Variants in ADAM22 observed in about 807,000 individuals in gnomAD.
ADAM22 encodes the protein ADAM metallopeptidase domain 22.
In ADAM22, 65 loss-of-function variants were observed where a neutral mutation model predicts 144.6. That is an observed-to-expected ratio of 0.45 (90% CI 0.37 to 0.55). The LOEUF (loss-of-function observed/expected upper bound fraction) is 0.55, where lower values mean the gene tolerates loss of function less well. Ranked by LOEUF, ADAM22 falls within the 20% of genes least tolerant of loss-of-function variation. The probability of loss-of-function intolerance (pLI) is 0.00; values close to 1 mark genes in which losing one functional copy is unlikely to be tolerated. For missense variants in ADAM22, 974 were observed against 1,184.9 expected (o/e 0.82, Z 2.61); for synonymous variants, 391 against 412.6 (o/e 0.95, Z 0.63).
At chr7:87,944,923 CTA>C (rs111772465) in intron 2 of ADAM22, among the ~76,000 whole-genome samples, 7,598 of 134,940 alleles carry the variant, frequency 0.056, 566 homozygotes, top group African/African-American at 0.18. Flanking sequence ...CCTTCCTATT[CTA>C]TATGTGTGTG....
At chr7:88,059,231 G>A (rs76257110) in intron 3 of ADAM22, among the ~76,000 whole-genome samples, 18 of 152,152 alleles carry the variant, frequency 1.2e-4, no homozygotes, top group African/African-American at 4.3e-4. Context: ...CTCTAGAGAC[G>A]CCCACCCATC....
At chr7:88,015,789 T>G (rs1339538653) in intron 3 of ADAM22, among the ~76,000 whole-genome samples, 3 of 152,216 alleles carry the variant, frequency 2.0e-5, no homozygotes, top group Non-Finnish European at 2.9e-5. Context: ...AACCTACATT[T>G]CATTTTGCGT....
At position 88,162,854 on chromosome 7, in the gene ADAM22, A is replaced by G. The variant is rs538814809; in HGVS notation, c.1908-158A>G. 4.6e-5 allele frequency among the ~76,000 whole-genome samples: 7 copies of G among 152,290 alleles called. No homozygotes were observed. In the South Asian group the frequency reaches 1.2e-3, roughly 27 times the overall value. ...AAAAGGAATTAGATCAAAAGATTCA[A>G]TAGCTTTCTCTGAGATTGAACTGGC... On this transcript the variant is annotated intron_variant, in intron 22 of 31. Transcript: ENST00000413139.
chr7:88,129,300 A>G (rs1468234717), intron 9 of ADAM22, among the ~76,000 whole-genome samples: 1 of 152,058 alleles, frequency 6.6e-6, no homozygotes, highest in Non-Finnish European at 1.5e-5. Flanking sequence ...TAATTGTTCT[A>G]TGTAACCAAA....
chr7:88,141,278 GAAA>G (rs1834554287), intron 14 of ADAM22, among the ~76,000 whole-genome samples: 1 of 152,178 alleles, frequency 6.6e-6, no homozygotes, highest in African/African-American at 2.4e-5. Context: ...GTAGTATCTG[GAAA>G]CCCTCCTTGT....
At chr7:88,030,960 C>T (rs1433937534) in intron 3 of ADAM22, among the ~76,000 whole-genome samples, 1 of 152,006 alleles carries the variant, frequency 6.6e-6, no homozygotes, top group Non-Finnish European at 1.5e-5. Flanking sequence ...ACTAAAAATA[C>T]AAAAAATTAG....
rs777345471 is a variant in ADAM22, at chr7:88,135,959, T to C, written c.1169-21T>C. 4 of 1,602,240 alleles carry C rather than the reference T, an allele frequency of 2.5e-6. No homozygotes were observed. The Admixed American group carries it at 5.1e-5, about 20-fold the overall frequency. ...ACTGTGTTCACTTTATAACAAGGCA[T>C]GTGTATTAATTTTCTCTTAGGTGAA... is the stretch of plus-strand genomic sequence containing the variant. On this transcript the variant is annotated intron_variant, in intron 13 of 31. Transcript: ENST00000413139.
chr7:87,978,171 C>A (rs958660087), intron 2 of ADAM22, among the ~76,000 whole-genome samples, 165 bp from the exon 3 acceptor site: 1 of 152,138 alleles, frequency 6.6e-6, no homozygotes, highest in African/African-American at 2.4e-5. Flanking sequence ...GAATGCTTGG[C>A]TTCTAAGAAG....
At chr7:88,003,560 A>G (rs1352379920) in intron 3 of ADAM22, among the ~76,000 whole-genome samples, 3 of 152,200 alleles carry the variant, frequency 2.0e-5, no homozygotes, top group East Asian at 3.8e-4. Context: ...ACAGAATTAC[A>G]TGTCAGAATT....
chr7:88,031,880 G>A (rs1563066365), intron 3 of ADAM22, among the ~76,000 whole-genome samples: 1 of 152,228 alleles, frequency 6.6e-6, no homozygotes, highest in Non-Finnish European at 1.5e-5. Context: ...TACATCTCAG[G>A]CTGCTGCTCC....
intron 3 of ADAM22, among the ~76,000 whole-genome samples, chr7:88,020,506 G>T (rs897403347): frequency 6.6e-6 from 1 of 152,306 alleles, no homozygotes; most frequent in African/African-American, 2.4e-5. Flanking sequence ...TTCACTGGGA[G>T]AGCAGAGGCA....
intron 3 of ADAM22, among the ~76,000 whole-genome samples, chr7:88,018,110 A>G (rs1796953895): frequency 6.6e-6 from 1 of 152,126 alleles, no homozygotes; most frequent in Non-Finnish European, 1.5e-5. Flanking sequence ...ATCCCATGTT[A>G]ATGAAAATGA....
At chr7:88,093,258 G>GT (rs1445921252) in intron 4 of ADAM22, among the ~76,000 whole-genome samples, 1 of 148,658 alleles carries the variant, frequency 6.7e-6, no homozygotes, top group Admixed American at 7.0e-5. Flanking sequence ...TAGAAATACT[G>GT]TTTTTGATTT....
At chr7:88,019,722 C>T (rs1465091610) in intron 3 of ADAM22, among the ~76,000 whole-genome samples, 1 of 147,896 alleles carries the variant, frequency 6.8e-6, no homozygotes, top group African/African-American at 2.5e-5. Context: ...TTGTGGTGCG[C>T]ACCTGTAATC....
rs562217654 is a variant in ADAM22, at chr7:87,978,112, G to A, written c.247-224G>A. ...TAACCACTTGAGGTAAACTAGAAAA[G>A]TAGGGCACTTGTCCTCTTTGATTGG... On this transcript the variant is annotated intron_variant, in intron 2 of 31. Coordinates refer to ENST00000413139, the MANE Select transcript of ADAM22 (RefSeq NM_001324418.2). 3.3e-5 allele frequency among the ~76,000 whole-genome samples: 5 copies of A among 152,270 alleles called. No homozygotes were observed. In the East Asian group the frequency reaches 9.6e-4, roughly 29 times the overall value.
At chr7:88,041,994 T>C (rs1340012064) in intron 3 of ADAM22, among the ~76,000 whole-genome samples, 1 of 152,108 alleles carries the variant, frequency 6.6e-6, no homozygotes, top group South Asian at 2.1e-4. Context: ...ATAGCACCTG[T>C]TTCTATGTAA....
intron 3 of ADAM22, among the ~76,000 whole-genome samples, chr7:88,053,546 A>T (rs1585286069): frequency 6.6e-6 from 1 of 150,682 alleles, no homozygotes; most frequent in Middle Eastern, 3.4e-3. Context: ...AGGATAACTC[A>T]AAAAAGAAAG....
chr7:87,966,722 T>TTTTTG, intron 2 of ADAM22, among the ~76,000 whole-genome samples: 1 of 37,544 alleles, frequency 2.7e-5, no homozygotes, highest in African/African-American at 1.0e-4. Context: ...AGGAAAGCCG[T>TTTTTG]TTTTTTTTTT....
At chr7:88,117,235 A>G (rs1827988053) in intron 7 of ADAM22, among the ~76,000 whole-genome samples, 1 of 152,172 alleles carries the variant, frequency 6.6e-6, no homozygotes, top group Non-Finnish European at 1.5e-5. Context: ...AACTTTTATT[A>G]TCATTATGTG....
Sources: gnomAD v4.1 joint callset for allele counts (sites outside exome capture counted in the v4.1 genomes callset) on GRCh38, gnomAD v4.1.1 for gene constraint, MANE v1.5 for transcripts, NCBI Gene and HGNC (gene_info 2026-07-23, HGNC 2026-07-21) for gene names.